Variants in RALGPS1 observed in about 807,000 individuals in gnomAD.
RALGPS1 encodes the protein Ral GEF with PH domain and SH3 binding motif 1.
Under a neutral mutation model 78.8 loss-of-function variants are expected in RALGPS1, and 19 were observed. The ratio of observed to expected loss-of-function variants is 0.24; its 90% confidence interval spans 0.17 to 0.35. The LOEUF (loss-of-function observed/expected upper bound fraction) is 0.35, where lower values mean the gene tolerates loss of function less well. Ranked by LOEUF, RALGPS1 falls within the 10% of genes least tolerant of loss-of-function variation. The probability of loss-of-function intolerance (pLI) is 1.00; values close to 1 mark genes in which losing one functional copy is unlikely to be tolerated. For missense variants in RALGPS1, 454 were observed against 688.3 expected, an observed-to-expected ratio of 0.66 and a Z score of 3.81; for synonymous variants, 228 against 256.3, an observed-to-expected ratio of 0.89 and a Z score of 1.06.
intron 1 of RALGPS1, among the ~76,000 whole-genome samples, chr9:126,947,422 G>A (rs957725765): frequency 1.8e-4 from 28 of 152,188 alleles, no homozygotes; most frequent in African/African-American, 6.3e-4. Flanking sequence ...GAGCATTTTG[G>A]ATTTTGGATT....
chr9:127,174,558 G>C (rs1051803316), intron 10 of RALGPS1, among the ~76,000 whole-genome samples, 157 bp from the exon 11 acceptor site: 6 of 152,146 alleles, frequency 3.9e-5, no homozygotes, highest in Non-Finnish European at 7.4e-5. Flanking sequence ...CTTGGCTGTG[G>C]AAACCCCCGG....
chr9:126,974,531 A>G (rs1445188369), intron 3 of RALGPS1, among the ~76,000 whole-genome samples: 3 of 145,598 alleles, frequency 2.1e-5, no homozygotes, highest in Non-Finnish European at 4.6e-5. Flanking sequence ...ATATGCAAAA[A>G]ACTTTTTTTT....
At chr9:126,962,059 T>G (rs564179671) in intron 1 of RALGPS1, among the ~76,000 whole-genome samples, 166 bp from the exon 2 acceptor site, 16 of 152,320 alleles carry the variant, frequency 1.1e-4, no homozygotes, top group Admixed American at 8.5e-4. Flanking sequence ...TACAAGCCCA[T>G]CAAACTGTAT....
chr9:126,970,836 A>G (rs1464986729), intron 3 of RALGPS1, among the ~76,000 whole-genome samples: 2 of 152,204 alleles, frequency 1.3e-5, no homozygotes, highest in Non-Finnish European at 2.9e-5. Flanking sequence ...GTTATTGTAC[A>G]AAAAAAGAGA....
At chr9:127,076,216 C>T (rs2050667373) in intron 8 of RALGPS1, among the ~76,000 whole-genome samples, 1 of 152,148 alleles carries the variant, frequency 6.6e-6, no homozygotes, top group South Asian at 2.1e-4. Context: ...TGAAGAATGT[C>T]TACATCATTT....
chr9:127,058,712 A>G (rs895015414), intron 7 of RALGPS1, among the ~76,000 whole-genome samples: 1 of 152,184 alleles, frequency 6.6e-6, no homozygotes, highest in Non-Finnish European at 1.5e-5. Context: ...AATTCCTAGC[A>G]TATGGATGAG....
chr9:126,968,717 A>G (rs2039780584), intron 3 of RALGPS1, among the ~76,000 whole-genome samples: 2 of 152,220 alleles, frequency 1.3e-5, no homozygotes, highest in South Asian at 4.1e-4. Context: ...GTGATTTCCA[A>G]TAGAAATACA....
intron 4 of RALGPS1, among the ~76,000 whole-genome samples, chr9:127,026,922 C>T (rs2046008159): frequency 6.6e-6 from 1 of 152,192 alleles, no homozygotes; most frequent in Non-Finnish European, 1.5e-5. Context: ...TCCCATCCCA[C>T]TTTTTGCCCG....
chr9:126,962,030 T>A (rs13293301), intron 1 of RALGPS1, among the ~76,000 whole-genome samples, 195 bp from the exon 2 acceptor site: 129 of 152,134 alleles, frequency 8.5e-4, no homozygotes, highest in Non-Finnish European at 9.6e-4. Flanking sequence ...TTATTAATTT[T>A]AAAAATATTA....
intron 14 of RALGPS1, among the ~76,000 whole-genome samples, chr9:127,209,195 G>A (rs573865106): frequency 4.6e-5 from 7 of 152,206 alleles, no homozygotes; most frequent in Non-Finnish European, 7.3e-5. Flanking sequence ...AGAAAGCCCC[G>A]GGGCTGGAAG....
intron 4 of RALGPS1, among the ~76,000 whole-genome samples, chr9:127,001,286 C>CAA (rs58413062): frequency 2.1e-5 from 2 of 97,418 alleles, no homozygotes; most frequent in Non-Finnish European, 2.2e-5. Context: ...GACTCTGTCT[C>CAA]AAAAAAAAAA....
At chr9:126,939,628 C>T (rs946762002) in intron 1 of RALGPS1, among the ~76,000 whole-genome samples, 8 of 152,230 alleles carry the variant, frequency 5.3e-5, no homozygotes, top group African/African-American at 7.2e-5. Flanking sequence ...CCAAGAGGCA[C>T]TTGCCACATA....
At chr9:127,130,197 C>T (rs764873968) in intron 8 of RALGPS1, among the ~76,000 whole-genome samples, 1 of 152,228 alleles carries the variant, frequency 6.6e-6, no homozygotes, top group African/African-American at 2.4e-5. Flanking sequence ...CCTATCCTCC[C>T]TGAGTCTCAG....
chr9:127,035,761 A>G (rs766463351), intron 5 of RALGPS1, among the ~76,000 whole-genome samples: 5 of 152,194 alleles, frequency 3.3e-5, no homozygotes, highest in South Asian at 2.1e-4. Flanking sequence ...TTGATGAGAT[A>G]TAGTAGGAAC....
chr9:127,181,738 C>G (rs761163863), intron 11 of RALGPS1, among the ~76,000 whole-genome samples: 1 of 152,078 alleles, frequency 6.6e-6, no homozygotes, highest in Non-Finnish European at 1.5e-5. Flanking sequence ...CCTCCCTAGG[C>G]CTTTCTCCAT....
intron 8 of RALGPS1, among the ~76,000 whole-genome samples, chr9:127,103,080 C>T (rs979406665): frequency 6.6e-6 from 1 of 152,198 alleles, no homozygotes; most frequent in Admixed American, 6.5e-5. Flanking sequence ...TGAAGCTGAC[C>T]CAGCCACACA....
intron 8 of RALGPS1, among the ~76,000 whole-genome samples, chr9:127,085,665 G>A (rs2051639770): frequency 6.6e-6 from 1 of 152,162 alleles, no homozygotes; most frequent in Non-Finnish European, 1.5e-5. Flanking sequence ...ATCATGACCT[G>A]CTTTCATTTG....
chr9:127,106,322 T>G (rs2054210780), intron 8 of RALGPS1, among the ~76,000 whole-genome samples: 1 of 152,188 alleles, frequency 6.6e-6, no homozygotes, highest in African/African-American at 2.4e-5. Context: ...CTTTCAGAGC[T>G]TCTGATTTAA....
intron 8 of RALGPS1, among the ~76,000 whole-genome samples, chr9:127,142,603 G>A (rs1266110777): frequency 6.6e-6 from 1 of 152,126 alleles, no homozygotes; most frequent in Non-Finnish European, 1.5e-5. Context: ...GTTCTCTTGG[G>A]TTGCAAATAA....
Sources: gnomAD v4.1 joint callset for allele counts (sites outside exome capture counted in the v4.1 genomes callset) on GRCh38, gnomAD v4.1.1 for gene constraint, MANE v1.5 for transcripts, NCBI Gene and HGNC (gene_info 2026-07-23, HGNC 2026-07-21) for gene names.